CHST9: variants seen among roughly 807,000 people sequenced by gnomAD.
CHST9 encodes the protein GalNAc-4-sulfotransferase 2.
Under a neutral mutation model 44.4 loss-of-function variants are expected in CHST9, and 41 were observed. That is an observed-to-expected ratio of 0.92 (90% confidence interval 0.72 to 1.20). The LOEUF is 1.20. Among genes scored for constraint, CHST9 ranks in the 50% most tolerant of loss-of-function variants. The probability of loss-of-function intolerance (pLI) is 0.00; values close to 1 mark genes in which losing one functional copy is unlikely to be tolerated. For missense variants in CHST9, 504 were observed against 516.5 expected, an observed-to-expected ratio of 0.98 and a Z score of 0.23; for synonymous variants, 171 against 178.4, an observed-to-expected ratio of 0.96 and a Z score of 0.33.
intron 2 of CHST9, among the ~76,000 whole-genome samples, chr18:27,094,040 C>A (rs1364249565): frequency 6.6e-6 from 1 of 152,152 alleles, no homozygotes; most frequent in African/African-American, 2.4e-5. Context: ...CGTTAAATAT[C>A]TGCAAAAGGG....
At chr18:26,987,998 A>G (rs1372267177) in intron 4 of CHST9, among the ~76,000 whole-genome samples, 3 of 152,182 alleles carry the variant, frequency 2.0e-5, no homozygotes, top group Admixed American at 2.0e-4. Flanking sequence ...AATGGACTAA[A>G]ATAAAATAAC....
chr18:27,045,000 C>T (rs1170964340), intron 3 of CHST9, among the ~76,000 whole-genome samples: 5 of 147,188 alleles, frequency 3.4e-5, no homozygotes, highest in African/African-American at 1.0e-4. Context: ...AGCAGATGTT[C>T]TACATTTGCT....
intron 2 of CHST9, among the ~76,000 whole-genome samples, chr18:27,104,613 T>A: frequency 6.6e-6 from 1 of 152,218 alleles, no homozygotes; most frequent in East Asian, 1.9e-4. Context: ...CTCTACACCA[T>A]AAGCAGCACC....
chr18:27,093,784 G>T (rs2058091267), intron 2 of CHST9, among the ~76,000 whole-genome samples: 1 of 152,052 alleles, frequency 6.6e-6, no homozygotes, highest in Non-Finnish European at 1.5e-5. Context: ...AAATGAACCA[G>T]GTACCTCAGT....
intron 3 of CHST9, among the ~76,000 whole-genome samples, chr18:27,038,986 AT>A (rs1263543029): frequency 6.6e-6 from 1 of 152,166 alleles, no homozygotes; most frequent in Non-Finnish European, 1.5e-5. Flanking sequence ...CTTACATTGT[AT>A]TTTTATTGGA....
In CHST9 at chr18:26,917,094, T is replaced by C; in HGVS notation, c.497A>G (p.Asn166Ser). Residue 166 changes from asparagine to serine, a missense_variant, in exon 6 of 6, where the codon AAT (asparagine) becomes AGT (serine). Transcript: ENST00000618847. ...GGTCTCCTCAGTTTTCTTCCATTTA[T>C]TATCTTTGACTAAACTTTTGTTTAA... ...HPLNKSLVKD[N>S]KWKKTEETQE... is the part of the protein sequence containing the mutation. 2 of 1,613,998 alleles carry C rather than the reference T, an allele frequency of 1.2e-6. No individual in the cohort carries two copies. Among genetic ancestry groups the C allele is most frequent in the Non-Finnish European group, 1.7e-6 (2 of 1,179,890 alleles).
At chr18:27,034,713 T>A (rs534023454) in intron 3 of CHST9, among the ~76,000 whole-genome samples, 1 of 152,286 alleles carries the variant, frequency 6.6e-6, no homozygotes, top group East Asian at 1.9e-4. Flanking sequence ...TTCCTTCATA[T>A]CACTCAGGAT....
chr18:26,960,662 C>A (rs2056387712), intron 4 of CHST9, among the ~76,000 whole-genome samples: 1 of 152,120 alleles, frequency 6.6e-6, no homozygotes, highest in African/African-American at 2.4e-5. Flanking sequence ...GGTCTGATTG[C>A]AAAAATTCAA....
At chr18:27,134,355 A>G (rs2058496552) in intron 2 of CHST9, among the ~76,000 whole-genome samples, 1 of 152,134 alleles carries the variant, frequency 6.6e-6, no homozygotes, top group African/African-American at 2.4e-5. Context: ...AGAAAAAGCA[A>G]TAAGGTGGCT....
chr18:27,056,693 A>G (rs902821894), intron 2 of CHST9, among the ~76,000 whole-genome samples: 1 of 152,182 alleles, frequency 6.6e-6, no homozygotes, highest in African/African-American at 2.4e-5. Flanking sequence ...GCTCCTCTTT[A>G]TAAGTATTCT....
In CHST9 at chr18:27,167,354, T is replaced by C. The variant is rs546016926; in HGVS notation, c.-97+17782A>G. Among the ~76,000 whole-genome samples the C allele has an allele frequency of 2.0e-5, 3 of 152,322 alleles. No homozygotes were observed. In the South Asian group the frequency reaches 6.2e-4, roughly 32 times the overall value. ...TGCAACCTAATGTCCAACTGCCCCT[T>C]CTGGTGTACTGACTCCTGGGCCCTC... On this transcript the variant is annotated intron_variant, in intron 1 of 5. Transcript: ENST00000618847.
In CHST9 at chr18:27,115,561, C is replaced by A. The variant is rs139024456; in HGVS notation, c.121+27128G>T. ...TTTAAATCTCACTCTGTTGTCCAGG[C>A]TGGAGTGCAGTGACACAAACATGGC... On this transcript the variant is annotated intron_variant, in intron 2 of 5. Coordinates refer to ENST00000618847, the MANE Select transcript of CHST9 (RefSeq NM_031422.6). Among the ~76,000 whole-genome samples, 330 of 152,256 alleles carry A rather than the reference C, an allele frequency of 2.2e-3. 1 individual carries two copies. The highest frequency in any genetic ancestry group is 3.6e-3 in the Non-Finnish European group (243 of 68,016).
At chr18:27,139,044 T>C (rs1445984907) in intron 2 of CHST9, among the ~76,000 whole-genome samples, 2 of 152,216 alleles carry the variant, frequency 1.3e-5, no homozygotes, top group Non-Finnish European at 2.9e-5. Context: ...GTCATACAGC[T>C]TCTCTTTACT....
intron 2 of CHST9, among the ~76,000 whole-genome samples, chr18:27,125,736 G>A (rs1338713796): frequency 6.6e-6 from 1 of 152,186 alleles, no homozygotes; most frequent in East Asian, 1.9e-4. Flanking sequence ...AAACAAATGG[G>A]AAGCTTCCTG....
intron 1 of CHST9, among the ~76,000 whole-genome samples, chr18:27,160,584 G>A (rs1303281307): frequency 2.6e-5 from 4 of 152,036 alleles, no homozygotes; most frequent in African/African-American, 7.2e-5. Flanking sequence ...TTTTTGTTGT[G>A]TCTCTGCCAG....
At chr18:27,063,537 G>GT (rs2057749156) in intron 2 of CHST9, among the ~76,000 whole-genome samples, 1 of 152,190 alleles carries the variant, frequency 6.6e-6, no homozygotes, top group African/African-American at 2.4e-5. Flanking sequence ...GTGGGATGGA[G>GT]TTAGCCTTTC....
intron 2 of CHST9, among the ~76,000 whole-genome samples, chr18:27,053,281 A>AAGAG (rs1568151323): frequency 5.9e-4 from 80 of 134,510 alleles, no homozygotes; most frequent in African/African-American, 2.1e-3. Context: ...AAGGAGAAGG[A>AAGAG]GAAGGAGAAG....
intron 2 of CHST9, among the ~76,000 whole-genome samples, chr18:27,136,485 T>C (rs1217644629): frequency 6.6e-6 from 1 of 152,198 alleles, no homozygotes; most frequent in Admixed American, 6.5e-5. Context: ...TCACCATCTC[T>C]GCACACTGCA....
chr18:27,101,676 T>C (rs1568173135), intron 2 of CHST9, among the ~76,000 whole-genome samples: 1 of 152,052 alleles, frequency 6.6e-6, no homozygotes, highest in African/African-American at 2.4e-5. Context: ...TTAACTACTA[T>C]AAATGACATC....
Sources: allele counts gnomAD v4.1 joint callset (sites outside exome capture counted in the v4.1 genomes callset), GRCh38; gene constraint gnomAD v4.1.1; transcripts MANE v1.5; gene names NCBI Gene and HGNC (gene_info 2026-07-23, HGNC 2026-07-21).